FILIP1L: variants seen among roughly 807,000 people sequenced by gnomAD.
FILIP1L encodes filamin A interacting protein 1 like.
A neutral mutation model predicts 96.6 loss-of-function variants in FILIP1L; 55 were observed. That is an observed-to-expected ratio of 0.57 (90% CI 0.46 to 0.71). FILIP1L has a LOEUF of 0.71. FILIP1L is among the 30% of genes least tolerant of loss of function. The pLI is 0.00. For synonymous variants in FILIP1L, 467 were observed against 473.9 expected, an observed-to-expected ratio of 0.99 and a Z score of 0.19; for missense variants, 1,304 against 1,321.2, an observed-to-expected ratio of 0.99 and a Z score of 0.20.
intron 5 of FILIP1L, among the ~76,000 whole-genome samples, chr3:99,842,393 C>G (rs965857978): frequency 6.6e-6 from 1 of 151,694 alleles, no homozygotes; most frequent in Non-Finnish European, 1.5e-5. Flanking sequence ...GTACACTGCT[C>G]GAGTGATGGT....
At chr3:99,842,637 A>T (rs772294345) in intron 5 of FILIP1L, among the ~76,000 whole-genome samples, 2 of 152,198 alleles carry the variant, frequency 1.3e-5, no homozygotes, top group Non-Finnish European at 2.9e-5. Flanking sequence ...GCCTCAAATA[A>T]TAAGATAAGT....
Position 100,106,101 on chromosome 3 carries a change from T to C in FILIP1L, c.-11+7952A>G, listed in dbSNP as rs1405690757. Among the ~76,000 whole-genome samples, 7 of 152,086 alleles carry C rather than the reference T, an allele frequency of 4.6e-5. No homozygotes were observed. In the East Asian group the frequency reaches 1.3e-3, roughly 29 times the overall value. On this transcript the variant is annotated intron_variant, in intron 1 of 5. Transcript: ENST00000477258. ...CTGTGTATAGCATATGGAGAAAATATGATATTACTGTCAATGGTAGACTAG... is the reference window on the plus strand; with the variant it reads ...CTGTGTATAGCATATGGAGAAAATACGATATTACTGTCAATGGTAGACTAG...
chr3:99,908,459 GT>G (rs1706690397), intron 4 of FILIP1L, among the ~76,000 whole-genome samples: 1 of 152,130 alleles, frequency 6.6e-6, no homozygotes, highest in African/African-American at 2.4e-5. Flanking sequence ...TATGTTTGGG[GT>G]TGGGCCCAGG....
intron 1 of FILIP1L, among the ~76,000 whole-genome samples, chr3:100,104,816 C>G (rs537594533): frequency 2.1e-4 from 32 of 152,270 alleles, no homozygotes; most frequent in African/African-American, 6.5e-4. Context: ...TCCCTTACCC[C>G]CAAAACTGGC....
intron 1 of FILIP1L, among the ~76,000 whole-genome samples, chr3:100,012,218 T>G (rs80301944): frequency 0.037 from 5,576 of 152,240 alleles, 323 homozygotes; most frequent in African/African-American, 0.13. Flanking sequence ...ATATCTAAAA[T>G]TATTTGTTTT....
chr3:99,987,723 T>C (rs1282984738), intron 1 of FILIP1L, among the ~76,000 whole-genome samples: 1 of 152,198 alleles, frequency 6.6e-6, no homozygotes, highest in Non-Finnish European at 1.5e-5. Flanking sequence ...TCAGTTATTT[T>C]CTTCACAGGT....
intron 1 of FILIP1L, among the ~76,000 whole-genome samples, chr3:100,003,116 G>A (rs1185754765): frequency 2.0e-5 from 3 of 152,146 alleles, no homozygotes; most frequent in Non-Finnish European, 4.4e-5. Flanking sequence ...CAGCACTGTA[G>A]CCTCACACTT....
chr3:99,884,105 A>G (rs1355932126), intron 4 of FILIP1L, among the ~76,000 whole-genome samples: 2 of 152,188 alleles, frequency 1.3e-5, no homozygotes, highest in Non-Finnish European at 2.9e-5. Flanking sequence ...AGCAGCCCTT[A>G]TAGTTCATGG....
intron 1 of FILIP1L, among the ~76,000 whole-genome samples, chr3:99,952,653 G>A (rs1365768855): frequency 6.6e-6 from 1 of 152,120 alleles, no homozygotes; most frequent in African/African-American, 2.4e-5. Context: ...GAGAAAGAGA[G>A]CACTGTTCAA....
At chr3:99,840,986 T>C (rs1459499335) in intron 5 of FILIP1L, among the ~76,000 whole-genome samples, 1 of 152,250 alleles carries the variant, frequency 6.6e-6, no homozygotes, top group Non-Finnish European at 1.5e-5. Context: ...TCTTGTTTCA[T>C]TTCTTTGCCC....
intron 1 of FILIP1L, among the ~76,000 whole-genome samples, chr3:99,969,504 C>T (rs1004287424): frequency 4.6e-5 from 7 of 152,014 alleles, no homozygotes; most frequent in African/African-American, 9.7e-5. Context: ...CAGAAGTCTA[C>T]GTTTGAATTG....
At chr3:99,984,840 G>T (rs982052354) in intron 1 of FILIP1L, among the ~76,000 whole-genome samples, 3 of 152,146 alleles carry the variant, frequency 2.0e-5, no homozygotes, top group African/African-American at 7.2e-5. Context: ...TACATTCTTT[G>T]TTGCCAAACA....
intron 1 of FILIP1L, among the ~76,000 whole-genome samples, chr3:99,992,986 G>A (rs370852036): frequency 2.6e-5 from 4 of 151,956 alleles, no homozygotes; most frequent in Non-Finnish European, 2.9e-5. Context: ...GTATGCGGCC[G>A]TATTTCTGGG....
At chr3:99,987,580 T>G (rs1281363338) in intron 1 of FILIP1L, among the ~76,000 whole-genome samples, 1 of 151,126 alleles carries the variant, frequency 6.6e-6, no homozygotes, top group Non-Finnish European at 1.5e-5. Context: ...TGCAAGAGAT[T>G]ATTTAAACTA....
At chr3:99,842,760 T>G (rs1159849253) in intron 5 of FILIP1L, among the ~76,000 whole-genome samples, 1 of 152,260 alleles carries the variant, frequency 6.6e-6, no homozygotes, top group Non-Finnish European at 1.5e-5. Context: ...CCTGAATACA[T>G]TTTTATGGTG....
intron 1 of FILIP1L, among the ~76,000 whole-genome samples, chr3:100,077,852 A>T (rs2065874113): frequency 6.6e-6 from 1 of 152,170 alleles, no homozygotes; most frequent in East Asian, 1.9e-4. Flanking sequence ...AGGCTATAGT[A>T]AGCTGTGTTC....
rs1167611836 is a variant in FILIP1L at position 99,850,595 on chromosome 3, C to T, written c.1081G>A (p.Gly361Arg). 3.7e-6 allele frequency: 6 copies of T among 1,613,706 alleles called. No individual in the cohort carries two copies. Among genetic ancestry groups the T allele is most frequent in the Non-Finnish European group, 5.1e-6 (6 of 1,180,026 alleles). ...ATGATACCAGCGTTTCCATATTCTC[C>T]CTTACTGATTTTTTCTTTTATATCT... ...LQDIKEKISK[G>R]EYGNAGIMAE... Residue 361 changes from glycine (G) to arginine (R), a missense_variant, in exon 5 of 6, where the codon GGA (glycine) becomes AGA (arginine). Coordinates refer to ENST00000477258, the MANE Select transcript of FILIP1L (RefSeq NM_001387850.1).
chr3:99,901,540 T>C (rs909555838), intron 4 of FILIP1L, among the ~76,000 whole-genome samples: 3 of 152,240 alleles, frequency 2.0e-5, no homozygotes, highest in African/African-American at 7.2e-5. Flanking sequence ...TAGCCAGATG[T>C]TCGTCGGGAA....
chr3:100,029,065 C>G (rs892900208), intron 1 of FILIP1L, among the ~76,000 whole-genome samples: 3 of 152,028 alleles, frequency 2.0e-5, no homozygotes, highest in Non-Finnish European at 4.4e-5. Flanking sequence ...TGGTGCATGC[C>G]TATTGTCCCA....
Sources: gnomAD v4.1 joint callset for allele counts (sites outside exome capture counted in the v4.1 genomes callset) on GRCh38, gnomAD v4.1.1 for gene constraint, MANE v1.5 for transcripts, NCBI Gene and HGNC (gene_info 2026-07-23, HGNC 2026-07-21) for gene names.